ZNF236: variants seen among roughly 807,000 people sequenced by gnomAD.
ZNF236 encodes the protein zinc finger protein 236, also known as regulated by glucose.
Under a neutral mutation model 191.2 loss-of-function variants are expected in ZNF236, and 50 were observed. The observed-to-expected ratio is 0.26, with a 90% CI of 0.21 to 0.33. The LOEUF is 0.33. Ranked by LOEUF, ZNF236 falls within the 10% of genes least tolerant of loss-of-function variation. The pLI is 1.00. For missense variants in ZNF236, 1,754 were observed against 2,374.5 expected (o/e 0.74, Z 5.43); for synonymous variants, 907 against 928.8 (o/e 0.98, Z 0.43).
At chr18:76,867,227 G>GT (rs11386653) in intron 3 of ZNF236, among the ~76,000 whole-genome samples, 126,141 of 144,006 alleles carry the variant, frequency 0.88, 55,321 homozygotes, top group Middle Eastern at 0.91. Context: ...GACTGCAGAG[G>GT]TTTTTTTTTT....
chr18:76,928,861 C>G (rs1257037722), intron 25 of ZNF236, among the ~76,000 whole-genome samples: 1 of 151,674 alleles, frequency 6.6e-6, no homozygotes, highest in Non-Finnish European at 1.5e-5. Flanking sequence ...TTTTAGAGCC[C>G]TTACTATGTG....
intron 30 of ZNF236, among the ~76,000 whole-genome samples, chr18:76,967,965 T>C (rs1599434854): frequency 6.6e-6 from 1 of 152,212 alleles, no homozygotes; most frequent in African/African-American, 2.4e-5. Context: ...GCTGTGTTAA[T>C]GTAGCTGTCA....
chr18:76,900,633 G>T (rs1276623397), intron 11 of ZNF236, among the ~76,000 whole-genome samples: 1 of 152,120 alleles, frequency 6.6e-6, no homozygotes, highest in African/African-American at 2.4e-5. Context: ...AACAGATACT[G>T]CATACTACAC....
intron 27 of ZNF236, among the ~76,000 whole-genome samples, chr18:76,949,663 T>C (rs564523405): frequency 3.4e-5 from 5 of 146,664 alleles, no homozygotes; most frequent in African/African-American, 7.4e-5. Context: ...TTATTTCTCT[T>C]TTTTTTTTTT....
Position 76,880,210 on chromosome 18 carries a change from A to G in ZNF236, c.1082A>G (p.Gln361Arg), listed in dbSNP as rs1381255566. 3.1e-6 allele frequency: 5 copies of G among 1,614,182 alleles called. No homozygotes were observed. The South Asian group carries it at 4.4e-5, about 14-fold the overall frequency. Residue 361 changes from glutamine (Q) to arginine (R), a missense_variant, in exon 8 of 31, where the codon CAG (glutamine) becomes CGG (arginine). Gln to Arg is a conservative substitution (Grantham distance 43). Coordinates refer to ENST00000320610, the MANE Select transcript of ZNF236 (RefSeq NM_001306089.2). This position sits in a 1 kb window ranked among gnomAD's most constrained non-coding sequence, Gnocchi z 5.0. The stretch of plus-strand genomic sequence containing the variant: ...TCCCAGGCGGTGAGCGACGTCATCC[A>G]GCAGCTCCTGGAGCTCTCAGAGCCG... ...PSSQAVSDVI[Q>R]QLLELSEPAP...
intron 26 of ZNF236, among the ~76,000 whole-genome samples, chr18:76,943,812 G>T (rs890630965): frequency 6.6e-6 from 1 of 152,066 alleles, no homozygotes; most frequent in Non-Finnish European, 1.5e-5. Flanking sequence ...TCTACAAGTC[G>T]TTCATATTTA....
chr18:76,910,775 C>A lies in ZNF236; in HGVS notation c.2769C>A (p.Ser923Arg). The A allele has an allele frequency of 5.0e-6, 8 of 1,614,186 alleles. No individual in the cohort carries two copies. The highest frequency in any genetic ancestry group is 6.8e-6 in the Non-Finnish European group (8 of 1,180,028). Residue 923 changes from serine to arginine, a missense_variant, in exon 16 of 31, where the codon AGC (serine) becomes AGA (arginine). Physicochemically the swap from Ser to Arg is moderately radical, Grantham distance 110. Transcript: ENST00000320610. ...QALSTSFHQQ[S>R]LLQAPSSDGM... The stretch of plus-strand genomic sequence containing the variant: ...TCTCCACAAGCTTCCACCAGCAGAG[C>A]TTGCTGCAGGCTCCCAGCTCTGATG...
chr18:76,959,980 C>G (rs939927846), intron 29 of ZNF236, among the ~76,000 whole-genome samples, 164 bp downstream of exon 29: 1 of 152,154 alleles, frequency 6.6e-6, no homozygotes, highest in Admixed American at 6.5e-5. Context: ...TATTTATTGT[C>G]ATAACTAACT....
intron 3 of ZNF236, among the ~76,000 whole-genome samples, chr18:76,861,813 G>A (rs529721696): frequency 2.1e-4 from 32 of 152,246 alleles, no homozygotes; most frequent in Non-Finnish European, 3.1e-4. Flanking sequence ...CAGAGGTGGC[G>A]GACGGTTGGA....
intron 10 of ZNF236, 52 bp from the exon 11 acceptor site, chr18:76,898,967 T>G: frequency 6.9e-6 from 10 of 1,457,836 alleles, no homozygotes; most frequent in Non-Finnish European, 8.6e-6. Context: ...GCATTTGCTG[T>G]TGAGATGTAA....
In ZNF236 at chr18:76,866,561, C is replaced by G. The variant is rs180979026; in HGVS notation, c.364-2124C>G. Among the ~76,000 whole-genome samples the G allele has an allele frequency of 1.2e-3, 189 of 152,290 alleles. No individual in the cohort carries two copies. The Middle Eastern group carries it at 0.021, about 17-fold the overall frequency. On this transcript the variant is annotated intron_variant, in intron 3 of 30. Coordinates refer to ENST00000320610, the MANE Select transcript of ZNF236 (RefSeq NM_001306089.2). The stretch of plus-strand genomic sequence containing the variant: ...CAGTCAGTACCTAGCATTGCACGCT[C>G]TGGTCTTTTAGAGATGATCGTATCT...
chr18:76,896,304 C>T (rs1306189436), intron 10 of ZNF236, among the ~76,000 whole-genome samples: 1 of 151,202 alleles, frequency 6.6e-6, no homozygotes, highest in African/African-American at 2.4e-5. Context: ...GTACAGCCTG[C>T]CGTGCTGCAC....
intron 1 of ZNF236, among the ~76,000 whole-genome samples, chr18:76,847,123 G>A (rs1226733289): frequency 6.7e-6 from 1 of 149,650 alleles, no homozygotes; most frequent in Non-Finnish European, 1.5e-5. Flanking sequence ...TAAATGTATA[G>A]TCCGTATCTC....
chr18:76,824,295 A>G (rs1974955198), intron 1 of ZNF236: 2 of 780,984 alleles, frequency 2.6e-6, no homozygotes, highest in African/African-American at 3.4e-5. Context: ...TAGAGTTAAC[A>G]CACGTGCACA....
intron 25 of ZNF236, among the ~76,000 whole-genome samples, chr18:76,932,335 G>A (rs533428683): frequency 6.6e-6 from 1 of 152,314 alleles, no homozygotes; most frequent in Admixed American, 6.5e-5. Context: ...GCAAGGAGGT[G>A]TGGATATTTT....
intron 26 of ZNF236, among the ~76,000 whole-genome samples, chr18:76,944,633 T>C (rs2122906777): frequency 6.6e-6 from 1 of 152,116 alleles, no homozygotes; most frequent in South Asian, 2.1e-4. Context: ...TTACAACAAA[T>C]TAGCTGGGTG....
At chr18:76,959,564 C>T in intron 28 of ZNF236, 123 bp from the exon 29 acceptor site, 1 of 1,171,052 alleles carries the variant, frequency 8.5e-7, no homozygotes, top group Non-Finnish European at 1.2e-6. Context: ...ACACAAATCA[C>T]AGATTAGCCT....
intron 1 of ZNF236, among the ~76,000 whole-genome samples, chr18:76,837,143 C>CCCCCCCCCCCCCCCCCCCG (rs1975358526): frequency 1.6e-5 from 2 of 125,876 alleles, no homozygotes; most frequent in African/African-American, 5.7e-5. Flanking sequence ...CCCCCCCGCC[C>CCCCCCCCCCCCCCCCCCCG]CGCAAGCCTC....
chr18:76,875,783 C>A lies in ZNF236; in HGVS notation c.840+119C>A. On this transcript the variant is annotated intron_variant, in intron 6 of 30. Transcript: ENST00000320610. This position sits in a 1 kb window ranked among gnomAD's most constrained non-coding sequence, Gnocchi z 4.3. ...AAAAAAATGCAGATTGATTTTGTGC[C>A]GAGCAGACCCTGTTTTAAAAAATAC... 9.0e-7 allele frequency: 1 copy of A among 1,108,934 alleles called. No individual in the cohort carries two copies. The highest frequency in any genetic ancestry group is 1.2e-6 in the Non-Finnish European group (1 of 852,798). The allele number at this position is 1,108,934 out of a possible 1,614,324, so 68.7% of individuals were successfully genotyped here.
Sources: allele counts gnomAD v4.1 joint callset (sites outside exome capture counted in the v4.1 genomes callset), GRCh38; gene constraint gnomAD v4.1.1; non-coding constraint Gnocchi (gnomAD v3.1); transcripts MANE v1.5; gene names NCBI Gene and HGNC (gene_info 2026-07-23, HGNC 2026-07-21).